The following ARHGEF10L variants were observed in gnomAD, a reference collection of about 807,000 sequenced individuals.
The protein encoded by ARHGEF10L is Rho guanine nucleotide exchange factor 10 like.
A neutral mutation model predicts 141.2 loss-of-function variants in ARHGEF10L; 69 were observed. The ratio of observed to expected loss-of-function variants is 0.49; its 90% CI spans 0.40 to 0.60. The LOEUF (loss-of-function observed/expected upper bound fraction) is 0.60. Among genes scored for constraint, ARHGEF10L ranks in the 20% least tolerant of loss-of-function variants. The pLI is 0.00. For synonymous variants in ARHGEF10L, 711 were observed against 718.5 expected (o/e 0.99, Z 0.17); for missense variants, 1,482 against 1,734.3 (o/e 0.85, Z 2.58).
chr1:17,629,713 C>A (rs1000106735), intron 15 of ARHGEF10L, among the ~76,000 whole-genome samples: 2 of 152,182 alleles, frequency 1.3e-5, no homozygotes, highest in East Asian at 3.9e-4. Flanking sequence ...AGCCATCCCC[C>A]ACACAAGCCT....
At chr1:17,610,818 TC>T (rs2101084595) in intron 7 of ARHGEF10L, among the ~76,000 whole-genome samples, 1 of 152,216 alleles carries the variant, frequency 6.6e-6, no homozygotes, top group East Asian at 1.9e-4. Flanking sequence ...GAAGAGGCCG[TC>T]CCTAGGCAGG....
At chr1:17,517,744 T>G in the ARHGEF10L span, among the ~76,000 whole-genome samples, 2 of 151,406 alleles carry the variant, frequency 1.3e-5, no homozygotes, top group African/African-American at 2.4e-5. Flanking sequence ...CACTGCAACC[T>G]CCACCTCCGG....
intron 3 of ARHGEF10L, 79 bp downstream of exon 3, chr1:17,587,724 G>C: frequency 6.9e-7 from 1 of 1,446,078 alleles, no homozygotes; most frequent in South Asian, 1.4e-5. Context: ...GGCTCTCAGG[G>C]ATGCCTGGTG....
chr1:17,618,298 C>T (rs2059916551), intron 9 of ARHGEF10L: 3 of 1,477,378 alleles, frequency 2.0e-6, no homozygotes, highest in Non-Finnish European at 2.7e-6. Flanking sequence ...CTGAAGTGAC[C>T]CTCCCTGCAG....
rs149613772 is a variant in ARHGEF10L, at chr1:17,661,806, A to G, written c.2861-2641A>G. ...TCTTGGCTCCAGCCTCCTGCTGTGGACCAGCATCCCTGGCGGAGCCCTGGC... is the reference window on the plus strand; with the variant it reads ...TCTTGGCTCCAGCCTCCTGCTGTGGGCCAGCATCCCTGGCGGAGCCCTGGC... On this transcript the variant is annotated intron_variant, in intron 25 of 28. Transcript: ENST00000361221. 5.9e-5 allele frequency among the ~76,000 whole-genome samples: 9 copies of G among 152,322 alleles called. No individual in the cohort carries two copies. In the East Asian group the frequency reaches 1.7e-3, roughly 29 times the overall value.
At chr1:17,632,265 G>A (rs934494620) in intron 15 of ARHGEF10L, 56 bp from the exon 16 acceptor site, 27 of 1,602,400 alleles carry the variant, frequency 1.7e-5, no homozygotes, top group Admixed American at 3.3e-5. Flanking sequence ...GGTCTCCGGC[G>A]CGGTAAAGCC....
intron 7 of ARHGEF10L, among the ~76,000 whole-genome samples, chr1:17,611,135 G>T (rs1242201996): frequency 6.6e-6 from 1 of 152,158 alleles, no homozygotes. Context: ...GGCCAACTCA[G>T]CAAGTGGCCT....
chr1:17,602,179 GC>G lies in ARHGEF10L; in HGVS notation c.313del (p.Arg105GlyfsTer25), dbSNP rs1208592043. On this transcript the variant is annotated frameshift_variant, in exon 5 of 29. Transcript: ENST00000361221. LOFTEE classifies it high-confidence loss of function. Reference sequence around the variant, plus strand: ...TGCAGCGGACGCAGCCTTCTCCGGGGCCCGGCACTCCAGCTGGAAGCGGAAG... The same window carrying G: ...TGCAGCGGACGCAGCCTTCTCCGGGGCCGGCACTCCAGCTGGAAGCGGAAG... ...GDAADAAFSG[A>X]RHSSWKRKSS... 6 of 1,582,488 alleles carry G rather than the reference GC, an allele frequency of 3.8e-6. No homozygotes were observed. Among genetic ancestry groups the G allele is most frequent in the African/African-American group, 1.3e-5 (1 of 74,144 alleles).
chr1:17,652,722 C>T (rs2062007426), intron 22 of ARHGEF10L, among the ~76,000 whole-genome samples: 1 of 152,128 alleles, frequency 6.6e-6, no homozygotes, highest in African/African-American at 2.4e-5. Flanking sequence ...TCAGCGCAAA[C>T]CCATTTCCCT....
At chr1:17,669,380 A>C (rs1476406231) in intron 26 of ARHGEF10L, among the ~76,000 whole-genome samples, 1 of 152,194 alleles carries the variant, frequency 6.6e-6, no homozygotes, top group Non-Finnish European at 1.5e-5. Context: ...TTGGACCAGA[A>C]ATGAGTTTTG....
intron 1 of ARHGEF10L, among the ~76,000 whole-genome samples, chr1:17,567,405 C>T (rs999364300): frequency 1.3e-5 from 2 of 152,128 alleles, no homozygotes; most frequent in East Asian, 3.9e-4. Flanking sequence ...CTCACTCTGT[C>T]GCCCAGGCTG....
rs150567943 is a variant in ARHGEF10L at position 17,674,019 on chromosome 1, T to C, written c.3009+9424T>C. Among the ~76,000 whole-genome samples, 472 of 152,276 alleles carry C rather than the reference T, an allele frequency of 3.1e-3. 14 individuals are homozygous for C. The East Asian group carries it at 0.071, about 23-fold the overall frequency. ...TCTGCCCCATCAGCCCCGTGTTCCA[T>C]TGGGTCTTGTGGGTGCGTATGTCCG... On this transcript the variant is annotated intron_variant, in intron 26 of 28. Coordinates refer to ENST00000361221, the MANE Select transcript of ARHGEF10L (RefSeq NM_018125.4).
rs756629221 is a variant in ARHGEF10L at position 17,697,424 on chromosome 1, A to G, written c.*44A>G. On this transcript the variant is annotated 3_prime_UTR_variant, in exon 29 of 29. Transcript: ENST00000361221. The surrounding 1 kb of genome is among the most constrained non-coding windows in gnomAD (Gnocchi z 4.8). ...AGAGGGCACAGCTGCAGGCCTGACC[A>G]AGGCCACGCCCGGCTCTCGTGCTCT... 5.2e-6 allele frequency: 8 copies of G among 1,542,136 alleles called. No homozygotes were observed. In the Admixed American group the frequency reaches 9.6e-5, roughly 18 times the overall value.
intron 27 of ARHGEF10L, among the ~76,000 whole-genome samples, chr1:17,688,814 C>T (rs975299603): frequency 2.0e-5 from 3 of 152,124 alleles, no homozygotes; most frequent in African/African-American, 4.8e-5. Context: ...CCCAGGGGCC[C>T]GGTCCCTAAC....
chr1:17,613,017 T>C (rs1431170003), intron 7 of ARHGEF10L, 41 bp from the exon 8 acceptor site: 4 of 1,409,246 alleles, frequency 2.8e-6, no homozygotes, highest in Non-Finnish European at 2.0e-6. Context: ...CGCCTGCTCC[T>C]CTCACCTGCT....
intron 26 of ARHGEF10L, among the ~76,000 whole-genome samples, chr1:17,681,625 G>GGT (rs2064134987): frequency 6.6e-6 from 1 of 152,070 alleles, no homozygotes; most frequent in Admixed American, 6.5e-5. Context: ...GTGCTGTGGG[G>GGT]CTGGGGGTCA....
At chr1:17,579,108 C>T (rs200511272) in intron 1 of ARHGEF10L, among the ~76,000 whole-genome samples, 2 of 152,124 alleles carry the variant, frequency 1.3e-5, no homozygotes, top group East Asian at 3.8e-4. Context: ...GCAACCTCCG[C>T]CTCCCACGTT....
chr1:17,692,620 C>T (rs2065190286), intron 27 of ARHGEF10L, among the ~76,000 whole-genome samples: 1 of 152,188 alleles, frequency 6.6e-6, no homozygotes, highest in Admixed American at 6.5e-5. Flanking sequence ...GCCGCCCTTC[C>T]CACCTGGGCA....
chr1:17,675,709 T>C (rs1192794197), intron 26 of ARHGEF10L, among the ~76,000 whole-genome samples: 1 of 135,310 alleles, frequency 7.4e-6, no homozygotes, highest in Non-Finnish European at 1.5e-5. Flanking sequence ...CAAGTGTAGG[T>C]GCAGGCCTGT....
Sources: gnomAD v4.1 joint callset for allele counts (sites outside exome capture counted in the v4.1 genomes callset) on GRCh38, gnomAD v4.1.1 for gene constraint, Gnocchi (gnomAD v3.1) non-coding constraint, MANE v1.5 for transcripts, NCBI Gene and HGNC (gene_info 2026-07-23, HGNC 2026-07-21) for gene names.